Variants in EPHA6 observed in about 807,000 individuals in gnomAD.
EPHA6 encodes the protein EPH receptor A6, also known as ephrin type-A receptor 6.
EPHA6 carries 50 observed loss-of-function variants against 112.0 expected under a neutral mutation model. The ratio of observed to expected loss-of-function variants is 0.45; its 90% confidence interval spans 0.36 to 0.56. The LOEUF is 0.56. EPHA6 is among the 20% of genes least tolerant of loss of function. The pLI is 0.00. For missense variants in EPHA6, 1,280 were observed against 1,417.4 expected, an observed-to-expected ratio of 0.90 and a Z score of 1.56; for synonymous variants, 529 against 490.7, an observed-to-expected ratio of 1.08 and a Z score of -1.03.
Position 97,749,694 on chromosome 3 carries a change from A to G in EPHA6, c.*993A>G, listed in dbSNP as rs576108382. Reference sequence around the variant, plus strand: ...TAGATTATACCCTTAGATTTAATGTAAAATTATTAATTTAATTTAAACAGA... The same window carrying G: ...TAGATTATACCCTTAGATTTAATGTGAAATTATTAATTTAATTTAAACAGA... On this transcript the variant is annotated 3_prime_UTR_variant, in exon 18 of 18. Transcript: ENST00000389672. 2.0e-5 allele frequency among the ~76,000 whole-genome samples: 3 copies of G among 152,304 alleles called. No homozygotes were observed. The highest frequency in any genetic ancestry group is 3.9e-4 in the East Asian group (2 of 5,186).
chr3:97,113,858 G>T (rs1214309271), intron 3 of EPHA6, among the ~76,000 whole-genome samples: 2 of 151,982 alleles, frequency 1.3e-5, no homozygotes, highest in Non-Finnish European at 2.9e-5. Context: ...ATAAGGAAAA[G>T]AAAAACAAAA....
intron 3 of EPHA6, among the ~76,000 whole-genome samples, chr3:97,167,995 A>G (rs2076583108): frequency 6.6e-6 from 1 of 152,066 alleles, no homozygotes; most frequent in Non-Finnish European, 1.5e-5. Flanking sequence ...TTAAACTATT[A>G]AAGATTTCAA....
intron 5 of EPHA6, among the ~76,000 whole-genome samples, chr3:97,258,233 T>G (rs2079379893): frequency 6.8e-6 from 1 of 146,686 alleles, no homozygotes; most frequent in African/African-American, 2.7e-5. Context: ...TAGGTGATTG[T>G]GTATGAGTAT....
At chr3:97,608,767 A>G (rs2093697626) in intron 12 of EPHA6, among the ~76,000 whole-genome samples, 1 of 151,360 alleles carries the variant, frequency 6.6e-6, no homozygotes, top group African/African-American at 2.4e-5. Flanking sequence ...AGCCGTGGAT[A>G]CAAAGGCTAG....
intron 9 of EPHA6, among the ~76,000 whole-genome samples, chr3:97,482,832 C>A (rs1002120607): frequency 3.9e-5 from 6 of 152,166 alleles, no homozygotes; most frequent in African/African-American, 1.4e-4. Flanking sequence ...GTCTTTTAAT[C>A]CCTACTAGTT....
At chr3:97,162,211 A>G (rs546001691) in intron 3 of EPHA6, among the ~76,000 whole-genome samples, 8 of 152,232 alleles carry the variant, frequency 5.3e-5, no homozygotes, top group African/African-American at 1.4e-4. Flanking sequence ...CAAGTTCTCA[A>G]TGATGGCACT....
chr3:97,475,593 A>G (rs1315390950), intron 8 of EPHA6, 133 bp downstream of exon 8: 3 of 581,898 alleles, frequency 5.2e-6, no homozygotes, highest in Non-Finnish European at 9.0e-6. Flanking sequence ...ATCCACTCTG[A>G]CAGTGAACCA....
chr3:97,721,876 A>C (rs1276468409), intron 15 of EPHA6, among the ~76,000 whole-genome samples: 1 of 152,084 alleles, frequency 6.6e-6, no homozygotes, highest in African/African-American at 2.4e-5. Flanking sequence ...AGGAACCCAT[A>C]TTTGGGGATT....
At chr3:97,084,358 C>T (rs985738528) in intron 3 of EPHA6, among the ~76,000 whole-genome samples, 5 of 151,514 alleles carry the variant, frequency 3.3e-5, no homozygotes, top group Admixed American at 1.3e-4. Context: ...CATATACACA[C>T]GCACACAAAT....
chr3:97,353,925 CAG>C (rs1216843015), intron 5 of EPHA6, among the ~76,000 whole-genome samples: 1 of 152,114 alleles, frequency 6.6e-6, no homozygotes, highest in East Asian at 1.9e-4. Context: ...CAGTTCAGCT[CAG>C]AGAGAGAGAT....
intron 5 of EPHA6, among the ~76,000 whole-genome samples, chr3:97,328,757 A>C (rs903109263): frequency 2.0e-5 from 3 of 152,086 alleles, no homozygotes; most frequent in Admixed American, 6.6e-5. Flanking sequence ...GTATCAAGTC[A>C]AAGAACTCAT....
chr3:97,036,164 C>T (rs1045760305), intron 3 of EPHA6, among the ~76,000 whole-genome samples: 1 of 151,924 alleles, frequency 6.6e-6, no homozygotes, highest in Non-Finnish European at 1.5e-5. Context: ...AGCCACCCAG[C>T]CTATGATATT....
intron 3 of EPHA6, among the ~76,000 whole-genome samples, chr3:97,111,316 G>A (rs1337063299): frequency 1.3e-5 from 2 of 151,958 alleles, no homozygotes; most frequent in Non-Finnish European, 2.9e-5. Flanking sequence ...CTATTATTGT[G>A]GTGTTCATTT....
intron 2 of EPHA6, among the ~76,000 whole-genome samples, chr3:96,974,639 G>A (rs2042450125): frequency 6.6e-6 from 1 of 151,940 alleles, no homozygotes; most frequent in African/African-American, 2.4e-5. Flanking sequence ...CTATTCTTAT[G>A]TCCTGGATAA....
At chr3:97,704,631 T>C (rs1367553536) in intron 14 of EPHA6, among the ~76,000 whole-genome samples, 1 of 152,222 alleles carries the variant, frequency 6.6e-6, no homozygotes, top group Non-Finnish European at 1.5e-5. Flanking sequence ...CAGAGTATTT[T>C]CCCTAATACA....
intron 14 of EPHA6, among the ~76,000 whole-genome samples, chr3:97,683,629 T>C (rs2032030219): frequency 6.6e-6 from 1 of 152,190 alleles, no homozygotes; most frequent in East Asian, 1.9e-4. Context: ...ATTTTCTTTT[T>C]GAATTTTAAA....
intron 3 of EPHA6, among the ~76,000 whole-genome samples, chr3:97,150,843 G>T (rs2076154523): frequency 1.3e-5 from 2 of 151,964 alleles, no homozygotes; most frequent in Non-Finnish European, 2.9e-5. Flanking sequence ...ATATGCCACT[G>T]TCTGGTTATT....
intron 5 of EPHA6, among the ~76,000 whole-genome samples, chr3:97,390,664 T>A (rs2086347590): frequency 6.6e-6 from 1 of 152,042 alleles, no homozygotes; most frequent in Non-Finnish European, 1.5e-5. Context: ...GAAAACATTA[T>A]GTAGAATCTT....
chr3:96,889,807 G>T (rs1351692702), intron 2 of EPHA6, among the ~76,000 whole-genome samples: 2 of 152,006 alleles, frequency 1.3e-5, no homozygotes, highest in Non-Finnish European at 2.9e-5. Flanking sequence ...ATATACCCCA[G>T]TACAATATTG....
Sources: gnomAD v4.1 joint callset for allele counts (sites outside exome capture counted in the v4.1 genomes callset) on GRCh38, gnomAD v4.1.1 for gene constraint, MANE v1.5 for transcripts, NCBI Gene and HGNC (gene_info 2026-07-23, HGNC 2026-07-21) for gene names.